CPEB3: variants seen among roughly 807,000 people sequenced by gnomAD.
CPEB3 encodes cytoplasmic polyadenylation element binding protein 3.
Under a neutral mutation model 67.2 loss-of-function variants are expected in CPEB3, and 20 were observed. That is an observed-to-expected ratio of 0.30 (90% CI 0.21 to 0.43). The LOEUF is 0.43. Ranked by LOEUF, CPEB3 falls within the 20% of genes least tolerant of loss-of-function variation. CPEB3 has a pLI of 1.00. For synonymous variants in CPEB3, 376 were observed against 393.1 expected (o/e 0.96, Z 0.51); for missense variants, 746 against 968.6 (o/e 0.77, Z 3.05).
intron 9 of CPEB3, among the ~76,000 whole-genome samples, chr10:92,069,650 C>T (rs899039897): frequency 6.6e-6 from 1 of 152,172 alleles, no homozygotes; most frequent in Non-Finnish European, 1.5e-5. Flanking sequence ...AATGATCCAC[C>T]CGCCTTGGCC....
At chr10:92,179,112 A>T (rs1403354370) in intron 4 of CPEB3, among the ~76,000 whole-genome samples, 1 of 152,176 alleles carries the variant, frequency 6.6e-6, no homozygotes, top group Non-Finnish European at 1.5e-5. Flanking sequence ...CTTTAAAAAA[A>T]TTACAGAATA....
intron 1 of CPEB3, among the ~76,000 whole-genome samples, chr10:92,268,167 T>C (rs1853145124): frequency 6.6e-6 from 1 of 152,152 alleles, no homozygotes; most frequent in African/African-American, 2.4e-5. Context: ...TTAATCAAAT[T>C]TTCTGCAACA....
At chr10:92,259,946 T>G (rs1352061714) in intron 1 of CPEB3, among the ~76,000 whole-genome samples, 2 of 152,190 alleles carry the variant, frequency 1.3e-5, no homozygotes, top group Non-Finnish European at 2.9e-5. Flanking sequence ...CTTAGGTGAC[T>G]TACCTGCACA....
intron 2 of CPEB3, among the ~76,000 whole-genome samples, chr10:92,217,904 G>GC (rs1377058164): frequency 6.6e-6 from 1 of 152,202 alleles, no homozygotes; most frequent in Non-Finnish European, 1.5e-5. Context: ...AACAGCTTGA[G>GC]CCCAGGAGTT....
At chr10:92,139,428 AG>A (rs1332251117) in intron 6 of CPEB3, among the ~76,000 whole-genome samples, 1 of 152,138 alleles carries the variant, frequency 6.6e-6, no homozygotes, top group African/African-American at 2.4e-5. Flanking sequence ...AGCCAGGCAC[AG>A]AAAGACAAAC....
At chr10:92,148,560 T>C (rs751426851) in intron 4 of CPEB3, among the ~76,000 whole-genome samples, 34 of 152,200 alleles carry the variant, frequency 2.2e-4, no homozygotes, top group Non-Finnish European at 4.3e-4. Flanking sequence ...TGAGTATCTC[T>C]TTCCCTAACC....
intron 1 of CPEB3, among the ~76,000 whole-genome samples, chr10:92,250,518 G>A (rs1375126783): frequency 2.0e-5 from 3 of 152,138 alleles, no homozygotes; most frequent in Non-Finnish European, 4.4e-5. Context: ...TGGCCTAAGT[G>A]TACAATGTTT....
intron 2 of CPEB3, among the ~76,000 whole-genome samples, chr10:92,229,572 A>G (rs1298040986): frequency 6.6e-6 from 1 of 152,234 alleles, no homozygotes; most frequent in African/African-American, 2.4e-5. Flanking sequence ...TGTCAAAGCA[A>G]GAACTCTGCT....
chr10:92,262,674 T>C (rs1048002776), intron 1 of CPEB3, among the ~76,000 whole-genome samples: 1 of 152,088 alleles, frequency 6.6e-6, no homozygotes, highest in Non-Finnish European at 1.5e-5. Context: ...TACAGAGATC[T>C]TGTCTCTTTT....
At chr10:92,253,708 C>A (rs1852403214) in intron 1 of CPEB3, among the ~76,000 whole-genome samples, 1 of 151,846 alleles carries the variant, frequency 6.6e-6, no homozygotes, top group Non-Finnish European at 1.5e-5. Flanking sequence ...TGTGCCACTG[C>A]ACTACAGCCT....
At chr10:92,182,551 C>T (rs772701910) in intron 3 of CPEB3, among the ~76,000 whole-genome samples, 5 of 152,102 alleles carry the variant, frequency 3.3e-5, no homozygotes, top group Non-Finnish European at 7.3e-5. Context: ...GAAGGCCGGG[C>T]GCAGTGGTTC....
intron 3 of CPEB3, among the ~76,000 whole-genome samples, chr10:92,190,808 C>A (rs968356686): frequency 2.6e-5 from 4 of 151,790 alleles, no homozygotes; most frequent in Admixed American, 1.3e-4. Flanking sequence ...AAGCTCAATC[C>A]ACCTAAATGT....
chr10:92,149,873 A>G (rs1387632545), intron 4 of CPEB3, among the ~76,000 whole-genome samples: 1 of 152,218 alleles, frequency 6.6e-6, no homozygotes, highest in Non-Finnish European at 1.5e-5. Context: ...CAAGTTTAAG[A>G]ATCACTGATG....
At chr10:92,153,685 G>A (rs1007068166) in intron 4 of CPEB3, among the ~76,000 whole-genome samples, 1 of 152,196 alleles carries the variant, frequency 6.6e-6, no homozygotes, top group Non-Finnish European at 1.5e-5. Flanking sequence ...GGGGGCTGAG[G>A]CAGGCGAATT....
At chr10:92,232,234 T>C (rs989359174) in intron 2 of CPEB3, among the ~76,000 whole-genome samples, 8 of 150,064 alleles carry the variant, frequency 5.3e-5, no homozygotes, top group African/African-American at 2.0e-4. Flanking sequence ...TGTAGTTTTT[T>C]AGTAGAGACA....
chr10:92,142,789 A>T (rs1203184871), intron 6 of CPEB3, among the ~76,000 whole-genome samples: 1 of 152,210 alleles, frequency 6.6e-6, no homozygotes, highest in Non-Finnish European at 1.5e-5. Context: ...AGGCTCATCC[A>T]CAACAGACTT....
chr10:92,166,890 G>GA (rs1847770878), intron 4 of CPEB3, among the ~76,000 whole-genome samples: 2 of 152,202 alleles, frequency 1.3e-5, no homozygotes, highest in Non-Finnish European at 1.5e-5. Flanking sequence ...CACCTACACT[G>GA]AAAATCTGCT....
At chr10:92,190,409 T>C (rs1424237553) in intron 3 of CPEB3, among the ~76,000 whole-genome samples, 2 of 151,854 alleles carry the variant, frequency 1.3e-5, no homozygotes, top group Admixed American at 6.6e-5. Flanking sequence ...CTCACACCTG[T>C]AATCTCAGCA....
intron 6 of CPEB3, among the ~76,000 whole-genome samples, chr10:92,142,552 T>G (rs2133827331): frequency 6.6e-6 from 1 of 152,298 alleles, no homozygotes; most frequent in Middle Eastern, 3.4e-3. Context: ...TGCCCTCTGC[T>G]CCCAAACAGG....
Sources: allele counts gnomAD v4.1 joint callset (sites outside exome capture counted in the v4.1 genomes callset), GRCh38; gene constraint gnomAD v4.1.1; transcripts MANE v1.5; gene names NCBI Gene and HGNC (gene_info 2026-07-23, HGNC 2026-07-21).